The following DIMT1 variants were observed in gnomAD, a reference collection of about 807,000 sequenced individuals.
DIMT1 encodes the protein DIM1 rRNA methyltransferase and ribosome maturation factor.
Under a neutral mutation model 43.2 loss-of-function variants are expected in DIMT1, and 36 were observed. The observed-to-expected ratio is 0.83, with a 90% CI of 0.64 to 1.10. The LOEUF (loss-of-function observed/expected upper bound fraction) is 1.10. Among genes scored for constraint, DIMT1 ranks in the 50% least tolerant of loss-of-function variants. DIMT1 has a pLI of 0.00. For missense variants in DIMT1, 341 were observed against 385.3 expected, an observed-to-expected ratio of 0.88 and a Z score of 0.96; for synonymous variants, 126 against 130.3, an observed-to-expected ratio of 0.97 and a Z score of 0.22.
intron 11 of DIMT1, among the ~76,000 whole-genome samples, chr5:62,389,485 CAAAA>C (rs775533413): frequency 5.3e-5 from 4 of 75,906 alleles, no homozygotes; most frequent in Admixed American, 3.1e-4. Flanking sequence ...GACTCTGTCT[CAAAA>C]AAAAAAAAAA....
At position 62,389,059 on chromosome 5, in the gene DIMT1, A is replaced by C. The variant is rs773290093; in HGVS notation, c.900-7T>G. 96 of 1,611,232 alleles carry C rather than the reference A, an allele frequency of 6.0e-5. 3 individuals carry two copies. In the South Asian group the frequency reaches 1.1e-3, roughly 18 times the overall value. On this transcript the variant is annotated splice_polypyrimidine_tract_variant and splice_region_variant and intron_variant, in intron 11 of 11. Transcript: ENST00000199320. ...GTTGAATCCATGTAGCAATCTGAAA[A>C]AAGAAATCAAAATGGAATGGTACTG...
intron 6 of DIMT1, among the ~76,000 whole-genome samples, chr5:62,397,326 T>G (rs1742533452): frequency 6.6e-6 from 1 of 152,202 alleles, no homozygotes; most frequent in African/African-American, 2.4e-5. Context: ...AGTACAATGT[T>G]TTTTGTTTTG....
At chr5:62,401,869 C>A (rs1212931846) in intron 3 of DIMT1, among the ~76,000 whole-genome samples, 167 bp downstream of exon 3, 1 of 152,082 alleles carries the variant, frequency 6.6e-6, no homozygotes, top group African/African-American at 2.4e-5. Context: ...GCGTGAGCCA[C>A]CGCGCCTGGC....
rs570453371 is a variant in DIMT1, at chr5:62,403,866, G to T, written c.-94C>A. ...CACCACGTGGGGATCGCCGCCACGC[G>T]CCGCCCGCACCACTCTGGCCCAAGC... On this transcript the variant is annotated 5_prime_UTR_variant, in exon 1 of 12. Transcript: ENST00000199320. The T allele has an allele frequency of 7.4e-7, 1 of 1,357,016 alleles. No homozygotes were observed. Among genetic ancestry groups the T allele is most frequent in the Non-Finnish European group, 1.0e-6 (1 of 987,808 alleles). The allele number at this position is 1,357,016 out of a possible 1,614,324, so 84.1% of individuals were successfully genotyped here.
At chr5:62,401,435 C>T (rs1742698203) in intron 3 of DIMT1, among the ~76,000 whole-genome samples, 1 of 132,130 alleles carries the variant, frequency 7.6e-6, no homozygotes. Flanking sequence ...GCAGAGGTTG[C>T]TGTGAGCCAG....
intron 6 of DIMT1, 167 bp downstream of exon 6, chr5:62,398,344 C>A: frequency 1.5e-6 from 1 of 666,618 alleles, no homozygotes; most frequent in Non-Finnish European, 2.6e-6. Context: ...ACACTACCCC[C>A]AAATAACCTC....
Position 62,388,029 on chromosome 5 carries a change from CTTAGTA to C in DIMT1, c.*975_*980del, listed in dbSNP as rs1341335218. 2 of 151,930 alleles carry C rather than the reference CTTAGTA, an allele frequency of 1.3e-5. No individual in the cohort carries two copies. The highest frequency in any genetic ancestry group is 4.8e-5 in the African/African-American group (2 of 41,380). The allele number at this position is 151,930 out of a possible 1,614,324, so 9.4% of individuals were successfully genotyped here. A position where few individuals can be genotyped will look rare whatever the true frequency, so the allele number is the denominator to read the frequency against. Reference sequence around the variant, plus strand: ...ACTCTATTATAGTATATTAACAGCACTTAGTATTATATTGACTTAAACATAGTAGCT... The same window carrying C: ...ACTCTATTATAGTATATTAACAGCACTTATATTGACTTAAACATAGTAGCT... On this transcript the variant is annotated 3_prime_UTR_variant, in exon 12 of 12. Coordinates refer to ENST00000199320, the MANE Select transcript of DIMT1 (RefSeq NM_014473.4).
At chr5:62,392,571 A>C (rs931917393) in intron 9 of DIMT1, among the ~76,000 whole-genome samples, 1 of 152,098 alleles carries the variant, frequency 6.6e-6, no homozygotes, top group Non-Finnish European at 1.5e-5. Context: ...TTGAACCCCA[A>C]ATTGATGAGC....
intron 6 of DIMT1, among the ~76,000 whole-genome samples, 194 bp from the exon 7 acceptor site, chr5:62,394,801 C>G (rs556995801): frequency 6.6e-6 from 1 of 152,234 alleles, no homozygotes; most frequent in South Asian, 2.1e-4. Context: ...TGCTGTACTC[C>G]TCATGGCAAG....
chr5:62,394,106 G>C (rs1742398389), intron 7 of DIMT1, 59 bp from the exon 8 acceptor site: 31 of 1,475,274 alleles, frequency 2.1e-5, no homozygotes, highest in Non-Finnish European at 2.9e-5. Context: ...TTAGTAACCA[G>C]ATATGCTATC....
intron 10 of DIMT1, chr5:62,391,799 G>C: frequency 7.1e-7 from 1 of 1,406,170 alleles, no homozygotes; most frequent in East Asian, 2.6e-5. Flanking sequence ...ATGTGAGCAA[G>C]AAACAAGACG....
At chr5:62,391,592 A>C in intron 10 of DIMT1, 1 of 645,018 alleles carries the variant, frequency 1.6e-6, no homozygotes, top group Non-Finnish European at 2.0e-6. Flanking sequence ...TCTGAGTCAT[A>C]AAAAATAAAA....
intron 10 of DIMT1, chr5:62,391,756 A>G (rs1742311728): frequency 7.3e-7 from 1 of 1,362,128 alleles, no homozygotes; most frequent in Non-Finnish European, 9.4e-7. Context: ...CAATTTCTAT[A>G]CAAAGAAAGT....
intron 9 of DIMT1, among the ~76,000 whole-genome samples, chr5:62,392,482 G>C (rs548588604): frequency 8.5e-4 from 128 of 150,760 alleles, no homozygotes; most frequent in African/African-American, 3.0e-3. Context: ...TCTTAGAGAA[G>C]TTCTAGACTC....
At position 62,398,831 on chromosome 5, in the gene DIMT1, T is replaced by G. The variant is rs765972103; in HGVS notation, c.291A>C (p.Arg97Ser). 4 of 1,613,980 alleles carry G rather than the reference T, an allele frequency of 2.5e-6. No homozygotes were observed. Among genetic ancestry groups the G allele is most frequent in the Non-Finnish European group, 3.4e-6 (4 of 1,179,922 alleles). ...DPRLVAELHK[R>S]VQGTPVASKL... Reference sequence around the variant, plus strand: ...TTATGTATACTCACGTGCCCTGAACTCTTTTGTGAAGTTCAGCTACTAGCC... The same window carrying G: ...TTATGTATACTCACGTGCCCTGAACGCTTTTGTGAAGTTCAGCTACTAGCC... The change falls in exon 4 of 12, where the codon AGA becomes AGC. Residue 97 changes from arginine to serine, a missense_variant. Coordinates refer to ENST00000199320, the MANE Select transcript of DIMT1 (RefSeq NM_014473.4).
Position 62,388,777 on chromosome 5 carries a change from C to G in DIMT1, c.*233G>C. The G allele has an allele frequency of 3.7e-6, 2 of 535,750 alleles. No individual in the cohort carries two copies. The highest frequency in any genetic ancestry group is 3.3e-6 in the Non-Finnish European group (1 of 299,164). The allele number at this position is 535,750 out of a possible 1,614,324, so 33.2% of individuals were successfully genotyped here. A position where few individuals can be genotyped will look rare whatever the true frequency, so the allele number is the denominator to read the frequency against. ...GTTGTGCGTCTCTGCGGCTCCTGAA[C>G]TTGAAGATTATTATGAATAGATTGG... On this transcript the variant is annotated 3_prime_UTR_variant, in exon 12 of 12. Transcript: ENST00000199320.
Position 62,403,726 on chromosome 5 carries a change from T to G in DIMT1, c.47A>C (p.Gln16Pro), listed in dbSNP as rs367686764. ...SGAIGRRRGR[Q>P]EQRRELKSAG... ...GCTCTTCAGCTCCCGGCGCTGCTCC[T>G]GCCGCCCGCGGCGGCGGCCGATGGC... The change falls in exon 1 of 12, where the codon CAG becomes CCG. Residue 16 changes from glutamine (Q) to proline (P), a missense_variant. Transcript: ENST00000199320. 6.2e-6 allele frequency: 10 copies of G among 1,610,066 alleles called. No homozygotes were observed. Among genetic ancestry groups the G allele is most frequent in the Non-Finnish European group, 8.5e-6 (10 of 1,178,816 alleles).
Position 62,403,178 on chromosome 5 carries a change from T to C in DIMT1, c.153+95A>G, listed in dbSNP as rs1035938611. 23 of 1,078,002 alleles carry C rather than the reference T, an allele frequency of 2.1e-5. No homozygotes were observed. In the African/African-American group the frequency reaches 3.3e-4, roughly 16 times the overall value. The allele number at this position is 1,078,002 out of a possible 1,614,324, so 66.8% of individuals were successfully genotyped here. A position where few individuals can be genotyped will look rare whatever the true frequency, so the allele number is the denominator to read the frequency against. On this transcript the variant is annotated intron_variant, in intron 2 of 11. Transcript: ENST00000199320. Reference sequence around the variant, plus strand: ...TCATTCAACAAATATTTACAGAGCATCTAATTTACGGCAGGCAGACTTTCT... The same window carrying C: ...TCATTCAACAAATATTTACAGAGCACCTAATTTACGGCAGGCAGACTTTCT...
In DIMT1 at chr5:62,399,429, G is replaced by A. The variant is rs534685848; in HGVS notation, c.241-548C>T. Among the ~76,000 whole-genome samples the A allele has an allele frequency of 6.6e-5, 10 of 152,120 alleles. No individual in the cohort carries two copies. The South Asian group carries it at 2.1e-3, about 32-fold the overall frequency. On this transcript the variant is annotated intron_variant, in intron 3 of 11. Coordinates refer to ENST00000199320, the MANE Select transcript of DIMT1 (RefSeq NM_014473.4). ...TGCAGTGAGTCGAGATCGCACCATTGCACTCCAGCTTGGGCAAGAGACAGA... is the reference window on the plus strand; with the variant it reads ...TGCAGTGAGTCGAGATCGCACCATTACACTCCAGCTTGGGCAAGAGACAGA...
Sources: gnomAD v4.1 joint callset for allele counts (sites outside exome capture counted in the v4.1 genomes callset) on GRCh38, gnomAD v4.1.1 for gene constraint, MANE v1.5 for transcripts, NCBI Gene and HGNC (gene_info 2026-07-23, HGNC 2026-07-21) for gene names.